Variants in POLG observed in about 807,000 individuals in gnomAD.
POLG encodes the protein DNA polymerase gamma, catalytic subunit.
POLG carries 110 observed loss-of-function variants against 155.4 expected under a neutral mutation model. The ratio of observed to expected loss-of-function variants is 0.71; its 90% CI spans 0.61 to 0.83. POLG has a LOEUF of 0.83. Ranked by LOEUF, POLG falls within the 40% of genes least tolerant of loss-of-function variation. The pLI is 0.00. For missense variants in POLG, 1,685 were observed against 1,627.5 expected (o/e 1.04, Z -0.61); for synonymous variants, 701 against 631.5 (o/e 1.11, Z -1.65).
At chr15:89,318,858 G>A in intron 20 of POLG, 73 bp downstream of exon 20, 1 of 1,581,986 alleles carries the variant, frequency 6.3e-7, no homozygotes. Flanking sequence ...ACAAACATTG[G>A]TAAGGTCCAC....
chr15:89,331,280 G>A (rs1433855875), intron 2 of POLG, among the ~76,000 whole-genome samples: 1 of 152,142 alleles, frequency 6.6e-6, no homozygotes, highest in East Asian at 1.9e-4. Flanking sequence ...AATAAGCCAA[G>A]GGACTGAAAG....
At chr15:89,331,910 G>A (rs917289153) in intron 2 of POLG, among the ~76,000 whole-genome samples, 3 of 152,114 alleles carry the variant, frequency 2.0e-5, no homozygotes, top group Admixed American at 2.0e-4. Context: ...TGAGGGCAGA[G>A]CAGGGAAGGA....
Position 89,327,046 on chromosome 15 carries a change from C to T in POLG, c.1451G>A (p.Trp484Ter). The change falls in exon 8 of 23, where the codon TGG becomes TAG. Residue 484 changes from tryptophan (W) to a stop codon, truncating the protein, a stop_gained. Coordinates refer to ENST00000268124, the MANE Select transcript of POLG (RefSeq NM_002693.3). LOFTEE classifies it high-confidence loss of function. ...CAGGTCCCACTCCAGGTCCCAGAGC[C>T]AGGGGTCTTCTTTGTACCTACAGAG... ...LSGERYKEDP[W>*]LWDLEWDLQE... 1.2e-6 allele frequency: 2 copies of T among 1,614,234 alleles called. No homozygotes were observed. The highest frequency in any genetic ancestry group is 1.7e-6 in the Non-Finnish European group (2 of 1,180,050).
At chr15:89,331,376 T>C (rs1400807435) in intron 2 of POLG, among the ~76,000 whole-genome samples, 2 of 152,098 alleles carry the variant, frequency 1.3e-5, no homozygotes, top group East Asian at 3.9e-4. Context: ...GCCAAATCTT[T>C]GAGGCCATGG....
rs750555988 is a variant in POLG at position 89,333,524 on chromosome 15, C to A, written c.231G>T (p.Gln77His). Residue 77 changes from glutamine to histidine, a missense_variant, in exon 2 of 23, where the codon CAG becomes CAT. Coordinates refer to ENST00000268124, the MANE Select transcript of POLG (RefSeq NM_002693.3). ...GQLRHNPLDI[Q>H]MLSRGLHEQI... ...GCTCGTGCAGCCCTCTCGAGAGCAT[C>A]TGGATGTCCAATGGGTTGTGCCGCA... The A allele has an allele frequency of 1.2e-6, 2 of 1,612,928 alleles. No individual in the cohort carries two copies. The highest frequency in any genetic ancestry group is 1.7e-6 in the Non-Finnish European group (2 of 1,179,716).
In POLG at chr15:89,325,484, T is replaced by C; in HGVS notation, c.1915A>G (p.Thr639Ala). ...CAGACCACCCCAGCTGACTCCAGGGTGGTACCTGTCGGCAGCTTGGCCAGG... is the reference window on the plus strand; with the variant it reads ...CAGACCACCCCAGCTGACTCCAGGGCGGTACCTGTCGGCAGCTTGGCCAGG... ...DNLAKLPTGT[T>A]LESAGVVCPY... Residue 639 changes from threonine (T) to alanine (A), a missense_variant, in exon 10 of 23, where the codon ACC (threonine) becomes GCC (alanine). Transcript: ENST00000268124. 6.2e-7 allele frequency: 1 copy of C among 1,607,174 alleles called. No homozygotes were observed. The highest frequency in any genetic ancestry group is 8.5e-7 in the Non-Finnish European group (1 of 1,179,890).
intron 9 of POLG, among the ~76,000 whole-genome samples, chr15:89,326,308 G>A (rs973403139): frequency 6.6e-6 from 1 of 152,198 alleles, no homozygotes; most frequent in African/African-American, 2.4e-5. Context: ...GCTGGTCTAC[G>A]TGCCTGGCTC....
intron 3 of POLG, 114 bp from the exon 4 acceptor site, chr15:89,329,224 C>T: frequency 3.6e-6 from 3 of 827,906 alleles, no homozygotes; most frequent in Non-Finnish European, 5.9e-6. Flanking sequence ...CTCAAACAGC[C>T]TCCCCTCCCA....
chr15:89,322,057 A>G (rs756652042), intron 14 of POLG, 42 bp from the exon 15 acceptor site: 9 of 1,587,654 alleles, frequency 5.7e-6, no homozygotes, highest in Non-Finnish European at 1.7e-6. Context: ...AGCCATGGGA[A>G]GCAGAATCTA....
At chr15:89,332,310 A>G (rs930756075) in intron 2 of POLG, 8 of 152,264 alleles carry the variant, frequency 5.3e-5, no homozygotes, top group African/African-American at 1.9e-4. Flanking sequence ...ATAGGAATAA[A>G]GAAACTGCCA....
At chr15:89,319,455 A>G (rs552928433) in intron 18 of POLG, 105 bp from the exon 19 acceptor site, 9 of 1,434,894 alleles carry the variant, frequency 6.3e-6, no homozygotes, top group African/African-American at 1.4e-5. Context: ...AAAAACACTG[A>G]CATCATGCCA....
chr15:89,325,093 T>TGAGTGAGA lies in POLG; in HGVS notation c.1949+349_1949+356dup, dbSNP rs1292899240. Among the ~76,000 whole-genome samples the TGAGTGAGA allele has an allele frequency of 3.2e-3, 134 of 42,350 alleles. 21 individuals are homozygous for TGAGTGAGA. The highest frequency in any genetic ancestry group is 5.8e-3 in the Non-Finnish European group (122 of 20,984). 27.8% of individuals were successfully genotyped at this position (42,350 alleles called of 152,430 possible). A position where few individuals can be genotyped will look rare whatever the true frequency, so the allele number is the denominator to read the frequency against. On this transcript the variant is annotated intron_variant, in intron 10 of 22. Transcript: ENST00000268124. ...GTGAGTGAGTGAGTGAGAGAGTGAG[T>TGAGTGAGA]GAGTGAGAGAGTGAGAGAGAGTGAG...
At chr15:89,323,035 T>TCACG (rs536566488) in intron 13 of POLG, 133 bp from the exon 14 acceptor site, 2 of 900,706 alleles carry the variant, frequency 2.2e-6, no homozygotes, top group South Asian at 3.1e-5. Flanking sequence ...CCTGATTGTA[T>TCACG]CACGCACGCG....
In POLG at chr15:89,329,119, G is replaced by C; in HGVS notation, c.856-9C>G. ...AAACGCATGCGGGAACCCTGAGGAGGAGGAGGAGAAAAGGGAAGGGAAGGA... is the reference window on the plus strand; with the variant it reads ...AAACGCATGCGGGAACCCTGAGGAGCAGGAGGAGAAAAGGGAAGGGAAGGA... On this transcript the variant is annotated splice_polypyrimidine_tract_variant and intron_variant, in intron 3 of 22. Coordinates refer to ENST00000268124, the MANE Select transcript of POLG (RefSeq NM_002693.3). 6.2e-7 allele frequency: 1 copy of C among 1,609,222 alleles called. No individual in the cohort carries two copies. The highest frequency in any genetic ancestry group is 8.5e-7 in the Non-Finnish European group (1 of 1,179,266).
chr15:89,331,953 A>G (rs529984517), intron 2 of POLG, among the ~76,000 whole-genome samples: 2 of 152,342 alleles, frequency 1.3e-5, no homozygotes, highest in South Asian at 4.1e-4. Context: ...AAAGAGAGAA[A>G]GAAGGAGAAA....
At position 89,326,757 on chromosome 15, in the gene POLG, A is replaced by G. The variant is rs2055525163; in HGVS notation, c.1586-19T>C. 1.2e-6 allele frequency: 2 copies of G among 1,613,950 alleles called. No homozygotes were observed. Among genetic ancestry groups the G allele is most frequent in the Admixed American group, 1.7e-5 (1 of 60,008 alleles). ...CCGAGGTCTGTGAGGGTGGGGGAAG[A>G]CAATCAGGAGCAGGAGAAGGAACTC... is the stretch of plus-strand genomic sequence containing the variant. On this transcript the variant is annotated intron_variant, in intron 8 of 22. Transcript: ENST00000268124.
rs778008501 is a variant in POLG, at chr15:89,320,887, T to C, written c.2860A>G (p.Ile954Val). 19 of 1,613,958 alleles carry C rather than the reference T, an allele frequency of 1.2e-5. No homozygotes were observed. Among genetic ancestry groups the C allele is most frequent in the Non-Finnish European group, 1.5e-5 (18 of 1,180,020 alleles). Residue 954 changes from isoleucine (I) to valine (V), a missense_variant, in exon 18 of 23, where the codon ATC becomes GTC. Around this residue, in one of 3 missense-constraint regions of POLG, gnomAD observed 470 missense variants for 439.9 expected, o/e 1.07. Coordinates refer to ENST00000268124, the MANE Select transcript of POLG (RefSeq NM_002693.3). ...EHAKIFNYGRIYGAGQPFAER... is the reference protein window; with the variant it reads ...EHAKIFNYGRVYGAGQPFAER... ...GCAAAGGGCTGCCCAGCACCATAGA[T>C]GCGGCCGTAGTTGAAGATTTTGGCA...
chr15:89,325,111 AG>A lies in POLG; in HGVS notation c.1949+338del, dbSNP rs1567189389. 2.1e-3 allele frequency among the ~76,000 whole-genome samples: 79 copies of A among 36,946 alleles called. 24 individuals carry two copies. Among genetic ancestry groups the A allele is most frequent in the African/African-American group, 0.016 (76 of 4,718 alleles). The allele number at this position is 36,946 out of a possible 152,430, so 24.2% of individuals were successfully genotyped here. A position where few individuals can be genotyped will look rare whatever the true frequency, so the allele number is the denominator to read the frequency against. ...GAGTGAGTGAGTGAGAGAGTGAGAG[AG>A]AGTGAGTGAGTGAGTGAGAGAGTGA... is the stretch of plus-strand genomic sequence containing the variant. On this transcript the variant is annotated intron_variant, in intron 10 of 22. Coordinates refer to ENST00000268124, the MANE Select transcript of POLG (RefSeq NM_002693.3).
In POLG at chr15:89,326,843, C is replaced by T. The variant is rs1223113833; in HGVS notation, c.1585+69G>A. On this transcript the variant is annotated intron_variant, in intron 8 of 22. Transcript: ENST00000268124. Reference sequence around the variant, plus strand: ...AGGCTGGAGCAATCCTTTCGAAGGACCCCCTCAATCACAGGACCTTCCCAG... The same window carrying T: ...AGGCTGGAGCAATCCTTTCGAAGGATCCCCTCAATCACAGGACCTTCCCAG... The T allele has an allele frequency of 5.0e-6, 8 of 1,608,374 alleles. No individual in the cohort carries two copies. The South Asian group carries it at 5.5e-5, about 11-fold the overall frequency.
Sources: gnomAD v4.1 joint callset for allele counts (sites outside exome capture counted in the v4.1 genomes callset) on GRCh38, gnomAD v4.1.1 for gene constraint, gnomAD v4.1.1 regional missense constraint, MANE v1.5 for transcripts, NCBI Gene and HGNC (gene_info 2026-07-23, HGNC 2026-07-21) for gene names.